NUP58: variants seen among roughly 807,000 people sequenced by gnomAD.
NUP58 encodes the protein nucleoporin p58/p45.
Under a neutral mutation model 70.1 loss-of-function variants are expected in NUP58, and 17 were observed. That is an observed-to-expected ratio of 0.24 (90% confidence interval 0.17 to 0.36). NUP58 has a LOEUF of 0.36. Among genes scored for constraint, NUP58 ranks in the 10% least tolerant of loss-of-function variants. The probability of loss-of-function intolerance (pLI) is 1.00; values close to 1 mark genes in which losing one functional copy is unlikely to be tolerated. For missense variants in NUP58, 644 were observed against 701.5 expected, an observed-to-expected ratio of 0.92 and a Z score of 0.93; for synonymous variants, 275 against 257.6, an observed-to-expected ratio of 1.07 and a Z score of -0.65.
chr13:25,302,587 T>A (rs9511751), intron 1 of NUP58, among the ~76,000 whole-genome samples: 2,926 of 152,350 alleles, frequency 0.019, 28 homozygotes, highest in Middle Eastern at 0.048. Flanking sequence ...AAAACATAAC[T>A]ATCCAGAAAG....
Position 25,339,955 on chromosome 13 carries a change from T to C in NUP58, c.1631-10T>C. The C allele has an allele frequency of 6.4e-7, 1 of 1,555,594 alleles. No homozygotes were observed. Among genetic ancestry groups the C allele is most frequent in the Non-Finnish European group, 8.6e-7 (1 of 1,156,738 alleles). ...CTTCTGATATGAATATTTTTTTCCC[T>C]AAACATAAGGCTTTGGCAGCTCAAG... On this transcript the variant is annotated splice_polypyrimidine_tract_variant and intron_variant, in intron 15 of 15. Transcript: ENST00000381736.
chr13:25,322,065 G>T lies in NUP58; in HGVS notation c.951+972G>T, dbSNP rs569792514. On this transcript the variant is annotated intron_variant, in intron 9 of 15. Transcript: ENST00000381736. ...CCTCAGTGGGAAAGGATGACGATAG[G>T]TGATTTATTTGTGTTGTAGTTACCG... 2.0e-5 allele frequency among the ~76,000 whole-genome samples: 3 copies of T among 152,292 alleles called. No homozygotes were observed. The South Asian group carries it at 6.2e-4, about 32-fold the overall frequency.
chr13:25,317,787 G>A (rs1305189340), intron 6 of NUP58: 1 of 150,660 alleles, frequency 6.6e-6, no homozygotes, highest in East Asian at 1.9e-4. Context: ...AATTACAGTT[G>A]GATGAAAGAG....
chr13:25,329,298 T>C (rs1469144616), intron 12 of NUP58, among the ~76,000 whole-genome samples: 1 of 152,202 alleles, frequency 6.6e-6, no homozygotes, highest in Admixed American at 6.5e-5. Context: ...GAACTTGTTT[T>C]ATCAATGCTC....
At chr13:25,305,130 GTTTTTTTTTTTTTTTTT>G (rs562132125) in intron 1 of NUP58, among the ~76,000 whole-genome samples, 1 of 58,564 alleles carries the variant, frequency 1.7e-5, no homozygotes, top group Non-Finnish European at 3.7e-5. Flanking sequence ...GATCTGTGGG[GTTTTTTTTTTTTTTTTT>G]TTTTTTTTTT....
chr13:25,317,299 A>G (rs533654147), intron 6 of NUP58, among the ~76,000 whole-genome samples: 2 of 152,352 alleles, frequency 1.3e-5, no homozygotes, highest in African/African-American at 4.8e-5. Context: ...TTGTCATTAT[A>G]TTAATACCTC....
chr13:25,316,943 G>T (rs758482290), intron 6 of NUP58, among the ~76,000 whole-genome samples: 1 of 152,120 alleles, frequency 6.6e-6, no homozygotes, highest in Non-Finnish European at 1.5e-5. Context: ...ACACAAACAT[G>T]TATATAAATA....
chr13:25,304,476 GATTATATATATATATAT>G (rs1566054286), intron 1 of NUP58, among the ~76,000 whole-genome samples: 1 of 81,566 alleles, frequency 1.2e-5, no homozygotes, highest in Non-Finnish European at 2.2e-5. Flanking sequence ...ATGTTGTCAA[GATTATATATATATATAT>G]ATATATATAT....
At position 25,301,832 on chromosome 13, in the gene NUP58, G is replaced by C. The variant is rs1355275363; in HGVS notation, c.59G>C (p.Gly20Ala). Residue 20 changes from glycine to alanine, a missense_variant, in exon 1 of 16, where the codon GGC (glycine) becomes GCC (alanine). By Grantham distance (60) the Gly-to-Ala change is moderately conservative. This residue lies in a region of NUP58 where 430 missense variants were observed against 409.2 expected (regional missense o/e 1.05). Coordinates refer to ENST00000381736, the MANE Select transcript of NUP58 (RefSeq NM_014089.4). ...CTGGGCTCCACCACCGTGGCCGCCG[G>C]CGGGACCAGCACAGGCGGCGTTTTC... The part of the protein sequence containing the change: ...GTLGSTTVAA[G>A]GTSTGGVFSF... The C allele has an allele frequency of 1.2e-6, 2 of 1,613,658 alleles. No homozygotes were observed. The highest frequency in any genetic ancestry group is 1.7e-6 in the Non-Finnish European group (2 of 1,179,892).
chr13:25,313,166 A>T, intron 4 of NUP58, 134 bp downstream of exon 4: 3 of 1,035,192 alleles, frequency 2.9e-6, no homozygotes, highest in Non-Finnish European at 4.1e-6. Flanking sequence ...GCATTGAAGC[A>T]GGAGAGGCTG....
intron 3 of NUP58, among the ~76,000 whole-genome samples, chr13:25,348,508 A>G (rs961204521): frequency 7.2e-5 from 11 of 152,070 alleles, no homozygotes; most frequent in Non-Finnish European, 1.5e-5. Context: ...AACTCCTGGG[A>G]TAAGTAATCT....
downstream of NUP58, among the ~76,000 whole-genome samples, chr13:25,343,457 A>G (rs1203895917): frequency 6.7e-6 from 1 of 149,878 alleles, no homozygotes; most frequent in Admixed American, 6.6e-5. Context: ...AAATGCCATT[A>G]ATTCATTCCT....
chr13:25,336,351 CT>C lies in NUP58; in HGVS notation c.1436-583del, dbSNP rs774018281. 221 of 997,708 alleles carry C rather than the reference CT, an allele frequency of 2.2e-4. 1 individual carries two copies. The African/African-American group carries it at 3.5e-3, about 16-fold the overall frequency. 61.8% of individuals were successfully genotyped at this position (997,708 alleles called of 1,614,324 possible). A position where few individuals can be genotyped will look rare whatever the true frequency, so the allele number is the denominator to read the frequency against. ...TAAATTTAATAAAATAAAACATTGT[CT>C]TGTTTTTTATCTACTTATTGTATAT... On this transcript the variant is annotated intron_variant, in intron 13 of 15. Transcript: ENST00000381736.
At chr13:25,331,849 C>A in intron 13 of NUP58, 1 of 1,195,316 alleles carries the variant, frequency 8.4e-7, no homozygotes. Flanking sequence ...TAGTGAATTA[C>A]ATTTAAGAAT....
At chr13:25,313,560 A>T in intron 4 of NUP58, 54 bp from the exon 5 acceptor site, 1 of 1,371,388 alleles carries the variant, frequency 7.3e-7, no homozygotes, top group Non-Finnish European at 9.5e-7. Flanking sequence ...GTATTTTTCT[A>T]TGGTGCTGTT....
At chr13:25,328,411 T>TG (rs1036611432) in intron 12 of NUP58, among the ~76,000 whole-genome samples, 5 of 150,278 alleles carry the variant, frequency 3.3e-5, no homozygotes, top group African/African-American at 1.2e-4. Context: ...TTTTTTTTTT[T>TG]TTGAGACAGA....
intron 3 of NUP58, chr13:25,309,865 A>G (rs1593177183): frequency 1.1e-5 from 2 of 179,152 alleles, no homozygotes; most frequent in South Asian, 9.3e-5. Flanking sequence ...GGAAAGGAAA[A>G]GGAAATGAAA....
At chr13:25,324,401 A>G (rs1043377895) in intron 9 of NUP58, among the ~76,000 whole-genome samples, 3 of 152,252 alleles carry the variant, frequency 2.0e-5, no homozygotes, top group African/African-American at 7.2e-5. Flanking sequence ...GTAGAAAGCA[A>G]TATAAGAATG....
chr13:25,312,800 C>T (rs1433808654), intron 3 of NUP58, 83 bp from the exon 4 acceptor site: 6 of 1,359,392 alleles, frequency 4.4e-6, no homozygotes, highest in Non-Finnish European at 6.0e-6. Context: ...TTTAAGGATC[C>T]TTATTGAAAC....
Sources: gnomAD v4.1 joint callset for allele counts (sites outside exome capture counted in the v4.1 genomes callset) on GRCh38, gnomAD v4.1.1 for gene constraint, gnomAD v4.1.1 regional missense constraint, MANE v1.5 for transcripts, NCBI Gene and HGNC (gene_info 2026-07-23, HGNC 2026-07-21) for gene names.